The following RASAL2 variants were observed in gnomAD, a reference collection of about 807,000 sequenced individuals.
RASAL2 encodes ras GTPase-activating protein nGAP.
RASAL2 carries 58 observed loss-of-function variants against 128.9 expected under a neutral mutation model. The ratio of observed to expected loss-of-function variants is 0.45; its 90% CI spans 0.36 to 0.56. RASAL2 has a LOEUF of 0.56. Among genes scored for constraint, RASAL2 ranks in the 20% least tolerant of loss-of-function variants. RASAL2 has a pLI of 0.00. For missense variants in RASAL2, 1,360 were observed against 1,601.6 expected, an observed-to-expected ratio of 0.85 and a Z score of 2.57; for synonymous variants, 561 against 580.8, an observed-to-expected ratio of 0.97 and a Z score of 0.49.
Position 178,456,161 on chromosome 1 carries a change from A to T in RASAL2, c.2212-560A>T, listed in dbSNP as rs115714735. 5.0e-3 allele frequency among the ~76,000 whole-genome samples: 766 copies of T among 152,308 alleles called. 15 individuals carry two copies. The highest frequency in any genetic ancestry group is 0.018 in the African/African-American group (737 of 41,570). On this transcript the variant is annotated intron_variant, in intron 12 of 17. Coordinates refer to ENST00000367649, the MANE Select transcript of RASAL2 (RefSeq NM_170692.4). ...TTGGCAGTGGGTCAGGGTTCCCAAG[A>T]TTGACTGGGATAGTGGATGGCAGTA... is the stretch of plus-strand genomic sequence containing the variant.
At chr1:178,392,177 T>A (rs939421361) in intron 4 of RASAL2, among the ~76,000 whole-genome samples, 8 of 152,118 alleles carry the variant, frequency 5.3e-5, no homozygotes, top group Non-Finnish European at 7.4e-5. Context: ...GATAGAAAAA[T>A]GACCAGATTC....
intron 7 of RASAL2, among the ~76,000 whole-genome samples, chr1:178,442,188 G>T (rs983763630): frequency 2.0e-5 from 3 of 152,080 alleles, no homozygotes; most frequent in African/African-American, 7.2e-5. Flanking sequence ...TTTGGGCAGG[G>T]ACAACTATCC....
At chr1:178,304,501 C>T (rs933229271) in intron 3 of RASAL2, among the ~76,000 whole-genome samples, 18 of 152,140 alleles carry the variant, frequency 1.2e-4, no homozygotes, top group Middle Eastern at 3.4e-3. Context: ...CTAGCTTAGG[C>T]GACAGAGTGA....
intron 12 of RASAL2, among the ~76,000 whole-genome samples, chr1:178,455,220 A>G (rs950816150): frequency 9.2e-5 from 14 of 152,198 alleles, no homozygotes; most frequent in African/African-American, 3.1e-4. Context: ...CCGTATTAAT[A>G]AGTAAATATA....
At chr1:178,262,893 T>G (rs1665765625) in intron 1 of RASAL2, among the ~76,000 whole-genome samples, 1 of 152,002 alleles carries the variant, frequency 6.6e-6, no homozygotes, top group Admixed American at 6.6e-5. Context: ...AGAAAGTGTT[T>G]TGGCCCTTAT....
Position 178,143,754 on chromosome 1 carries a change from G to GTT in RASAL2, c.202+49072_202+49073dup, listed in dbSNP as rs5778975. Among the ~76,000 whole-genome samples the GTT allele has an allele frequency of 6.5e-3, 925 of 143,106 alleles. 3 individuals carry two copies. Among genetic ancestry groups the GTT allele is most frequent in the Non-Finnish European group, 0.01 (653 of 64,982 alleles). The allele number at this position is 143,106 out of a possible 152,430, so 93.9% of individuals were successfully genotyped here. ...ATTTTGCTTTATCTCTATTGTTTGG[G>GTT]TTTTTTTTTTTTTGACAAGTAGAAT... On this transcript the variant is annotated intron_variant, in intron 1 of 17. Coordinates refer to ENST00000367649, the MANE Select transcript of RASAL2 (RefSeq NM_170692.4).
intron 15 of RASAL2, among the ~76,000 whole-genome samples, chr1:178,465,584 T>G (rs907758550): frequency 6.6e-6 from 1 of 152,078 alleles, no homozygotes; most frequent in Non-Finnish European, 1.5e-5. Context: ...CCATCACAGA[T>G]TGGATGTGGC....
intron 3 of RASAL2, among the ~76,000 whole-genome samples, chr1:178,370,925 T>C (rs10913540): frequency 0.11 from 16,149 of 152,078 alleles, 912 homozygotes; most frequent in Middle Eastern, 0.13. Flanking sequence ...AATCTCTCAC[T>C]GAAAGCAGAC....
intron 1 of RASAL2, among the ~76,000 whole-genome samples, chr1:178,193,888 C>CT (rs1662572404): frequency 6.6e-6 from 1 of 152,118 alleles, no homozygotes; most frequent in South Asian, 2.1e-4. Flanking sequence ...ACCAACTAGA[C>CT]TTTTTTGTTT....
At chr1:178,369,536 T>C (rs767238871) in intron 3 of RASAL2, among the ~76,000 whole-genome samples, 1 of 152,176 alleles carries the variant, frequency 6.6e-6, no homozygotes, top group Non-Finnish European at 1.5e-5. Context: ...GTGCCTCATT[T>C]TCTAACTGTC....
intron 1 of RASAL2, among the ~76,000 whole-genome samples, chr1:178,204,686 G>C (rs1662982765): frequency 6.6e-6 from 1 of 152,192 alleles, no homozygotes; most frequent in Non-Finnish European, 1.5e-5. Context: ...TTTAAGATTT[G>C]AGTAAATCCA....
chr1:178,439,562 A>C lies in RASAL2; in HGVS notation c.815A>C (p.Asp272Ala), dbSNP rs1676484598. 1.2e-6 allele frequency: 2 copies of C among 1,609,234 alleles called. No individual in the cohort carries two copies. Among genetic ancestry groups the C allele is most frequent in the African/African-American group, 2.7e-5 (2 of 74,630 alleles). The change falls in exon 6 of 18, where the codon GAC (aspartate) becomes GCC (alanine). Residue 272 changes from aspartate to alanine, a missense_variant. Around this residue, in one of 3 missense-constraint regions of RASAL2, gnomAD observed 617 missense variants for 714.2 expected, o/e 0.86. Coordinates refer to ENST00000367649, the MANE Select transcript of RASAL2 (RefSeq NM_170692.4). ...CTTCATAGTAGCATCCTTGGACAAG[A>C]CTTCTGCTTTGAGGTAAAAATAAAG... ...KPLHSSILGQ[D>A]FCFEVTYLSG...
chr1:178,237,798 G>T (rs1664319787), intron 1 of RASAL2, among the ~76,000 whole-genome samples: 1 of 152,054 alleles, frequency 6.6e-6, no homozygotes, highest in African/African-American at 2.4e-5. Context: ...TCACATTGTT[G>T]TTCAACCATC....
At chr1:178,319,363 C>T (rs1231330360) in intron 3 of RASAL2, among the ~76,000 whole-genome samples, 2 of 151,842 alleles carry the variant, frequency 1.3e-5, no homozygotes, top group African/African-American at 2.4e-5. Flanking sequence ...TGGGGAAGTT[C>T]TCCTGGATAA....
rs555754108 is a variant in RASAL2, at chr1:178,423,714, T to TG, written c.674+3102dup. On this transcript the variant is annotated intron_variant, in intron 5 of 17. Transcript: ENST00000367649. ...TGTATTGCCTCTCTAAAAGATGGGA[T>TG]GGGGGGGGATTTCTTTGTTTTAATT... 4.5e-4 allele frequency among the ~76,000 whole-genome samples: 68 copies of TG among 151,860 alleles called. 1 individual carries two copies. Among genetic ancestry groups the TG allele is most frequent in the Middle Eastern group, 6.8e-3 (2 of 294 alleles).
At chr1:178,412,399 T>C (rs1204326602) in intron 4 of RASAL2, among the ~76,000 whole-genome samples, 1 of 152,190 alleles carries the variant, frequency 6.6e-6, no homozygotes, top group Non-Finnish European at 1.5e-5. Context: ...TCTTCCTGGG[T>C]ACCACTGAAT....
intron 3 of RASAL2, among the ~76,000 whole-genome samples, chr1:178,348,545 C>T (rs1448072063): frequency 6.6e-6 from 1 of 152,186 alleles, no homozygotes; most frequent in Non-Finnish European, 1.5e-5. Context: ...GCAGCCCTCC[C>T]ATCTTGGCCT....
Position 178,106,971 on chromosome 1 carries a change from A to G in RASAL2, c.202+12277A>G, listed in dbSNP as rs530010899. The stretch of plus-strand genomic sequence containing the variant: ...TAACTAGCATAATAAATTTCCTCAT[A>G]TATATCCAGTAATATTATTCTGTTT... On this transcript the variant is annotated intron_variant, in intron 1 of 17. Transcript: ENST00000367649. Among the ~76,000 whole-genome samples, 85 of 152,262 alleles carry G rather than the reference A, an allele frequency of 5.6e-4. 1 individual carries two copies. The highest frequency in any genetic ancestry group is 2.0e-3 in the African/African-American group (84 of 41,572).
At chr1:178,240,232 A>G (rs979759021) in intron 1 of RASAL2, among the ~76,000 whole-genome samples, 2 of 152,024 alleles carry the variant, frequency 1.3e-5, no homozygotes, top group African/African-American at 2.4e-5. Context: ...ATTTCAATTT[A>G]TTGGACTGTT....
Sources: allele counts gnomAD v4.1 joint callset (sites outside exome capture counted in the v4.1 genomes callset), GRCh38; gene constraint gnomAD v4.1.1; regional missense constraint gnomAD v4.1.1; transcripts MANE v1.5; gene names NCBI Gene and HGNC (gene_info 2026-07-23, HGNC 2026-07-21).